Variants in LRFN5 observed in about 807,000 individuals in gnomAD.
LRFN5 encodes the protein leucine-rich repeat and fibronectin type-III domain-containing protein 5.
Under a neutral mutation model 45.6 loss-of-function variants are expected in LRFN5, and 24 were observed. That is an observed-to-expected ratio of 0.53 (90% CI 0.38 to 0.74). The LOEUF is 0.74. Among genes scored for constraint, LRFN5 ranks in the 30% least tolerant of loss-of-function variants. LRFN5 has a pLI of 0.00. For missense variants in LRFN5, 776 were observed against 861.5 expected, an observed-to-expected ratio of 0.90 and a Z score of 1.24; for synonymous variants, 340 against 313.8, an observed-to-expected ratio of 1.08 and a Z score of -0.88.
chr14:41,884,349 G>A (rs1566503471), intron 2 of LRFN5, among the ~76,000 whole-genome samples: 1 of 152,178 alleles, frequency 6.6e-6, no homozygotes, highest in Admixed American at 6.5e-5. Flanking sequence ...ATACCAGTTA[G>A]TAATGAACAG....
At chr14:41,733,442 C>T (rs545776451) in intron 1 of LRFN5, 1 of 152,074 alleles carries the variant, frequency 6.6e-6, no homozygotes, top group South Asian at 2.1e-4. Flanking sequence ...ACCAAGACTC[C>T]TGTATTTAAC....
intron 1 of LRFN5, among the ~76,000 whole-genome samples, chr14:41,753,203 GC>G (rs1430316434): frequency 2.7e-5 from 4 of 150,172 alleles, no homozygotes; most frequent in Non-Finnish European, 6.0e-5. Context: ...GTAGCATGAT[GC>G]CTCCAGCTTT....
intron 2 of LRFN5, among the ~76,000 whole-genome samples, chr14:41,879,176 G>C (rs1407360538): frequency 6.6e-6 from 1 of 151,780 alleles, no homozygotes; most frequent in Non-Finnish European, 1.5e-5. Flanking sequence ...TATGAAATAG[G>C]AAATATAATT....
intron 1 of LRFN5, among the ~76,000 whole-genome samples, chr14:41,748,143 A>G (rs1431410453): frequency 6.6e-6 from 1 of 152,092 alleles, no homozygotes; most frequent in Non-Finnish European, 1.5e-5. Context: ...AAATAGAACT[A>G]CTGTGATTCA....
chr14:41,799,568 G>A (rs898993167), intron 2 of LRFN5, among the ~76,000 whole-genome samples: 5 of 151,964 alleles, frequency 3.3e-5, no homozygotes, highest in Admixed American at 1.3e-4. Flanking sequence ...CTACAAATCT[G>A]ATTTGTAGAC....
chr14:41,750,601 G>T (rs966810207), intron 1 of LRFN5, among the ~76,000 whole-genome samples: 2 of 151,952 alleles, frequency 1.3e-5, no homozygotes, highest in Non-Finnish European at 2.9e-5. Context: ...TACCACTTAC[G>T]CAAAATTATT....
chr14:41,855,386 C>T (rs1889417708), intron 2 of LRFN5, among the ~76,000 whole-genome samples: 1 of 152,086 alleles, frequency 6.6e-6, no homozygotes, highest in African/African-American at 2.4e-5. Context: ...ATGAGCCTTA[C>T]TGTTTTGTAA....
At chr14:41,771,523 C>T (rs752567576) in intron 2 of LRFN5, among the ~76,000 whole-genome samples, 13 of 152,042 alleles carry the variant, frequency 8.6e-5, no homozygotes, top group Non-Finnish European at 1.8e-4. Flanking sequence ...ACTTCTTGAA[C>T]ATTTTGCTGC....
In LRFN5 at chr14:41,884,067, T is replaced by G. The variant is rs550239925; in HGVS notation, c.-20-2539T>G. 2.0e-4 allele frequency among the ~76,000 whole-genome samples: 31 copies of G among 152,302 alleles called. No individual in the cohort carries two copies. The East Asian group carries it at 6.0e-3, about 29-fold the overall frequency. On this transcript the variant is annotated intron_variant, in intron 2 of 5. Transcript: ENST00000298119. ...TCTTTTTCAATAACTCTCTTTTTGCTAGTACACTGCCCCACAAATTCAAGC... is the reference window on the plus strand; with the variant it reads ...TCTTTTTCAATAACTCTCTTTTTGCGAGTACACTGCCCCACAAATTCAAGC...
At chr14:41,681,791 T>TTTA (rs1455720531) in intron 1 of LRFN5, among the ~76,000 whole-genome samples, 6 of 137,410 alleles carry the variant, frequency 4.4e-5, no homozygotes, top group African/African-American at 5.8e-5. Flanking sequence ...TTTTATTTTA[T>TTTA]TTTATTTTAT....
chr14:41,732,730 T>G (rs1057284795), intron 1 of LRFN5, among the ~76,000 whole-genome samples: 4 of 150,576 alleles, frequency 2.7e-5, no homozygotes, highest in Non-Finnish European at 4.4e-5. Context: ...AAAGATGAGA[T>G]AGTTCAAGAA....
intron 1 of LRFN5, among the ~76,000 whole-genome samples, chr14:41,765,912 T>C (rs1400180738): frequency 6.6e-6 from 1 of 152,124 alleles, no homozygotes; most frequent in East Asian, 1.9e-4. Context: ...CTTAAGACAA[T>C]ATAATCACTT....
intron 1 of LRFN5, among the ~76,000 whole-genome samples, chr14:41,616,021 G>A (rs915861322): frequency 4.6e-5 from 7 of 152,070 alleles, no homozygotes; most frequent in South Asian, 4.1e-4. Context: ...AGGATTAAAC[G>A]TATTTGCTAT....
At chr14:41,879,617 G>A (rs76211094) in intron 2 of LRFN5, among the ~76,000 whole-genome samples, 1,887 of 151,224 alleles carry the variant, frequency 0.012, 33 homozygotes, top group African/African-American at 0.044. Flanking sequence ...TGATAGATAT[G>A]TGGACATATA....
chr14:41,833,223 C>T (rs920369779), intron 2 of LRFN5, among the ~76,000 whole-genome samples: 1 of 152,092 alleles, frequency 6.6e-6, no homozygotes, highest in Non-Finnish European at 1.5e-5. Flanking sequence ...TTGATAAGAA[C>T]AGAAGTAGCC....
intron 2 of LRFN5, among the ~76,000 whole-genome samples, chr14:41,884,803 C>T (rs1369541197): frequency 6.6e-6 from 1 of 152,088 alleles, no homozygotes; most frequent in Non-Finnish European, 1.5e-5. Context: ...CCGGATTGGC[C>T]ACTCCTGGAT....
chr14:41,762,137 G>GA (rs60675317), intron 1 of LRFN5, among the ~76,000 whole-genome samples: 4,576 of 101,232 alleles, frequency 0.045, 137 homozygotes, highest in African/African-American at 0.1. Context: ...TTCACACCCT[G>GA]AAAAAAAAAA....
chr14:41,747,841 A>G (rs911961170), intron 1 of LRFN5, among the ~76,000 whole-genome samples: 8 of 152,026 alleles, frequency 5.3e-5, no homozygotes, highest in African/African-American at 1.9e-4. Flanking sequence ...TCAAAAATAG[A>G]TGAAGGCCTT....
chr14:41,772,318 A>G lies in LRFN5; in HGVS notation c.-21+5289A>G, dbSNP rs191798039. On this transcript the variant is annotated intron_variant, in intron 2 of 5. Coordinates refer to ENST00000298119, the MANE Select transcript of LRFN5 (RefSeq NM_152447.5). Reference sequence around the variant, plus strand: ...TAAAGGAGACAAACATCCAAACCATATCAAATCTGATAGATATATTTTCAT... The same window carrying G: ...TAAAGGAGACAAACATCCAAACCATGTCAAATCTGATAGATATATTTTCAT... 2.2e-3 allele frequency among the ~76,000 whole-genome samples: 329 copies of G among 152,262 alleles called. 1 individual carries two copies. Among genetic ancestry groups the G allele is most frequent in the Non-Finnish European group, 3.9e-3 (264 of 68,000 alleles).
Sources: gnomAD v4.1 joint callset for allele counts (sites outside exome capture counted in the v4.1 genomes callset) on GRCh38, gnomAD v4.1.1 for gene constraint, MANE v1.5 for transcripts, NCBI Gene and HGNC (gene_info 2026-07-23, HGNC 2026-07-21) for gene names.